The following FAM222B variants were observed in gnomAD, a reference collection of about 807,000 sequenced individuals.
FAM222B encodes family with sequence similarity 222 member B.
Under a neutral mutation model 38.0 loss-of-function variants are expected in FAM222B, and 12 were observed. That is an observed-to-expected ratio of 0.32 (90% CI 0.20 to 0.51). FAM222B has a LOEUF of 0.51. FAM222B is among the 20% of genes least tolerant of loss of function. The pLI is 0.97. For missense variants in FAM222B, 716 were observed against 754.2 expected (o/e 0.95, Z 0.59); for synonymous variants, 329 against 317.2 (o/e 1.04, Z -0.40).
chr17:28,792,226 G>A (rs1043143434), intron 1 of FAM222B, among the ~76,000 whole-genome samples: 14 of 151,532 alleles, frequency 9.2e-5, no homozygotes, highest in South Asian at 2.1e-4. Flanking sequence ...GCAAGAGAAT[G>A]GCGTGAACCT....
chr17:28,784,952 C>T (rs2036338926), intron 1 of FAM222B, among the ~76,000 whole-genome samples: 1 of 151,638 alleles, frequency 6.6e-6, no homozygotes, highest in Admixed American at 6.6e-5. Flanking sequence ...GATGGGGTCT[C>T]ACTATGTTTC....
chr17:28,809,306 T>C (rs2037632864), intron 1 of FAM222B, among the ~76,000 whole-genome samples: 1 of 150,852 alleles, frequency 6.6e-6, no homozygotes, highest in Non-Finnish European at 1.5e-5. Flanking sequence ...AGCAGAGAGA[T>C]TGTGCCACTG....
At chr17:28,847,991 G>C (rs2039157421) in intron 1 of FAM222B, among the ~76,000 whole-genome samples, 1 of 152,050 alleles carries the variant, frequency 6.6e-6, no homozygotes, top group East Asian at 1.9e-4. Flanking sequence ...GAAGCAGATG[G>C]AGCCTGCGCA....
intron 1 of FAM222B, among the ~76,000 whole-genome samples, chr17:28,852,063 T>G (rs1017739942): frequency 6.6e-6 from 1 of 151,308 alleles, no homozygotes; most frequent in Non-Finnish European, 1.5e-5. Flanking sequence ...AAAAAATTTT[T>G]TTTTAATTAA....
intron 1 of FAM222B, among the ~76,000 whole-genome samples, chr17:28,778,090 T>C (rs2035977262): frequency 6.6e-6 from 1 of 152,012 alleles, no homozygotes; most frequent in East Asian, 1.9e-4. Context: ...TGTTTTTGCT[T>C]TTTTATTTTA....
At chr17:28,850,099 C>T (rs975914614) in intron 1 of FAM222B, among the ~76,000 whole-genome samples, 8 of 151,902 alleles carry the variant, frequency 5.3e-5, no homozygotes, top group Non-Finnish European at 7.4e-5. Context: ...AAAAATTCCC[C>T]CTCCTCCCAT....
At chr17:28,833,009 T>TAA (rs779596504) in intron 1 of FAM222B, among the ~76,000 whole-genome samples, 14 of 90,780 alleles carry the variant, frequency 1.5e-4, no homozygotes, top group Non-Finnish European at 2.4e-4. Context: ...CTGTCTCTAT[T>TAA]AAAAAAAAAA....
chr17:28,839,212 A>C (rs1006779157), intron 1 of FAM222B, among the ~76,000 whole-genome samples: 1 of 152,152 alleles, frequency 6.6e-6, no homozygotes, highest in African/African-American at 2.4e-5. Context: ...GTCTCAAAAA[A>C]TAATAATAAT....
intron 1 of FAM222B, among the ~76,000 whole-genome samples, chr17:28,806,791 A>G (rs1188258063): frequency 1.3e-5 from 2 of 152,178 alleles, no homozygotes; most frequent in African/African-American, 4.8e-5. Context: ...CATTTCAAAT[A>G]GGGTTCCTGA....
At chr17:28,762,260 T>G (rs2035111579) in intron 2 of FAM222B, 1 of 151,822 alleles carries the variant, frequency 6.6e-6, no homozygotes, top group South Asian at 2.1e-4. Flanking sequence ...TACAGTATAT[T>G]GAACAAAAAA....
In FAM222B at chr17:28,851,110, C is replaced by A. The variant is rs558627888; in HGVS notation, c.-41+3840G>T. On this transcript the variant is annotated intron_variant, in intron 1 of 2. Coordinates refer to the FAM222B transcript ENST00000577513. Reference sequence around the variant, plus strand: ...CTCCAGCCTGGGCGACAGAGGGAGACTCCATCTCAAAACAAAACAAAACAA... The same window carrying A: ...CTCCAGCCTGGGCGACAGAGGGAGAATCCATCTCAAAACAAAACAAAACAA... 2.6e-5 allele frequency among the ~76,000 whole-genome samples: 4 copies of A among 151,764 alleles called. No homozygotes were observed. In the East Asian group the frequency reaches 7.8e-4, roughly 30 times the overall value.
At chr17:28,763,177 G>C (rs1391025131) in intron 2 of FAM222B, among the ~76,000 whole-genome samples, 1 of 152,182 alleles carries the variant, frequency 6.6e-6, no homozygotes, top group African/African-American at 2.4e-5. Context: ...TCAAGTACTA[G>C]CTTCATCATT....
At chr17:28,768,302 CT>C (rs1216831328) in intron 1 of FAM222B, among the ~76,000 whole-genome samples, 1 of 152,144 alleles carries the variant, frequency 6.6e-6, no homozygotes, top group African/African-American at 2.4e-5. Flanking sequence ...ATTAAACTAC[CT>C]TGTCATGATG....
chr17:28,803,345 T>TCA (rs1567859810), intron 1 of FAM222B, among the ~76,000 whole-genome samples: 2 of 152,088 alleles, frequency 1.3e-5, no homozygotes, highest in East Asian at 3.9e-4. Context: ...TCCTGCTCTC[T>TCA]CACCCTGCTC....
chr17:28,758,710 C>T lies in FAM222B; in HGVS notation c.1249G>A (p.Ala417Thr). 6.3e-7 allele frequency: 1 copy of T among 1,595,900 alleles called. No homozygotes were observed. The change falls in exon 3 of 3, where the codon GCG becomes ACG. Residue 417 changes from alanine to threonine, a missense_variant. Transcript: ENST00000581407. The part of the protein sequence containing the change: ...APAYPQELCL[A>T]QSFHLKPPLE... ...GGTGGCTTCAGATGGAAGGACTGCGCCAGGCAGAGTTCCTGCGGGTAGGCA... is the reference window on the plus strand; with the variant it reads ...GGTGGCTTCAGATGGAAGGACTGCGTCAGGCAGAGTTCCTGCGGGTAGGCA...
chr17:28,796,611 G>GACAGAAGCTACTGTTATACTAACAATTT (rs2036949718), intron 1 of FAM222B, among the ~76,000 whole-genome samples: 1 of 151,980 alleles, frequency 6.6e-6, no homozygotes, highest in Non-Finnish European at 1.5e-5. Context: ...AGTATGCAAA[G>GACAGAAGCTACTGTTATACTAACAATTT]ACAGAAGCTA....
chr17:28,826,935 G>A (rs2152601145), intron 1 of FAM222B, among the ~76,000 whole-genome samples: 1 of 152,210 alleles, frequency 6.6e-6, no homozygotes, highest in South Asian at 2.1e-4. Context: ...GAGGCCAGGA[G>A]CTTGAGACCA....
chr17:28,761,247 G>A (rs941671646), intron 2 of FAM222B, among the ~76,000 whole-genome samples: 2 of 152,238 alleles, frequency 1.3e-5, no homozygotes, highest in African/African-American at 4.8e-5. Context: ...TGAGAACAAG[G>A]GCTCTTTAAG....
chr17:28,839,784 A>T (rs2152628627), intron 1 of FAM222B, among the ~76,000 whole-genome samples: 1 of 152,310 alleles, frequency 6.6e-6, no homozygotes, highest in South Asian at 2.1e-4. Context: ...AAGGAACTAA[A>T]GTAAAAAGGT....
Sources: allele counts gnomAD v4.1 joint callset (sites outside exome capture counted in the v4.1 genomes callset), GRCh38; gene constraint gnomAD v4.1.1; transcripts MANE v1.5; gene names NCBI Gene and HGNC (gene_info 2026-07-23, HGNC 2026-07-21).